PRRC2B: variants seen among roughly 807,000 people sequenced by gnomAD.
PRRC2B encodes protein PRRC2B.
Under a neutral mutation model 242.3 loss-of-function variants are expected in PRRC2B, and 68 were observed. That is an observed-to-expected ratio of 0.28 (90% CI 0.23 to 0.34). PRRC2B has a LOEUF of 0.34. Ranked by LOEUF, PRRC2B falls within the 10% of genes least tolerant of loss-of-function variation. The pLI, the probability that PRRC2B is intolerant of heterozygous loss-of-function variation, is 1.00. For missense variants in PRRC2B, 2,835 were observed against 2,954.8 expected (o/e 0.96, Z 0.94); for synonymous variants, 1,228 against 1,173.6 (o/e 1.05, Z -0.95).
chr9:131,380,365 G>A (rs1172908605), intron 1 of PRRC2B, among the ~76,000 whole-genome samples: 1 of 152,042 alleles, frequency 6.6e-6, no homozygotes, highest in African/African-American at 2.4e-5. Flanking sequence ...GTCACCTGAG[G>A]TCAGGATTTC....
intron 30 of PRRC2B, among the ~76,000 whole-genome samples, chr9:131,493,515 C>T (rs1045392003): frequency 6.6e-6 from 1 of 152,230 alleles, no homozygotes; most frequent in Non-Finnish European, 1.5e-5. Flanking sequence ...GACAGAGCCT[C>T]ACGGGACAAG....
chr9:131,442,636 G>C (rs1225263264), intron 5 of PRRC2B, among the ~76,000 whole-genome samples: 1 of 152,176 alleles, frequency 6.6e-6, no homozygotes, highest in African/African-American at 2.4e-5. Flanking sequence ...GAACAGGCCC[G>C]TGGATCAGTG....
intron 9 of PRRC2B, 29 bp from the exon 10 acceptor site, chr9:131,455,047 A>G: frequency 6.4e-7 from 1 of 1,571,626 alleles, no homozygotes; most frequent in Non-Finnish European, 8.7e-7. Context: ...ATTCTTTCTC[A>G]TTCTTCCTGG....
chr9:131,425,165 T>C lies in PRRC2B; in HGVS notation c.-51-4929T>C, dbSNP rs184505262. On this transcript the variant is annotated intron_variant, in intron 1 of 31. Coordinates refer to ENST00000683519, the MANE Select transcript of PRRC2B (RefSeq NM_013318.4). ...CATGCCTGGCTCCTTTTTGTATTTT[T>C]AGTATAGACGGGGTTTCACCATGTT... Among the ~76,000 whole-genome samples the C allele has an allele frequency of 8.0e-4, 121 of 152,134 alleles. 2 individuals are homozygous for C. The highest frequency in any genetic ancestry group is 6.7e-3 in the South Asian group (32 of 4,810).
At position 131,459,197 on chromosome 9, in the gene PRRC2B, G is replaced by T. The variant is rs567452055; in HGVS notation, c.1245G>T (p.Leu415Phe). 4.3e-6 allele frequency: 7 copies of T among 1,614,038 alleles called. No individual in the cohort carries two copies. The African/African-American group carries it at 8.0e-5, about 18-fold the overall frequency. ...GGGACCCTAGGAGGCAGCGGCAGTT[G>T]TCAATGAGCTCTGCAGACAGTGCGG... ...NSWDPRRQRQ[L>F]SMSSADSADA... Residue 415 changes from leucine (L) to phenylalanine (F), a missense_variant, in exon 11 of 32, where the codon TTG (leucine) becomes TTT (phenylalanine). Around this residue, in one of 7 missense-constraint regions of PRRC2B, gnomAD observed 626 missense variants for 685.5 expected, o/e 0.91. Coordinates refer to ENST00000683519, the MANE Select transcript of PRRC2B (RefSeq NM_013318.4).
chr9:131,464,889 G>A lies in PRRC2B; in HGVS notation c.1531G>A (p.Glu511Lys). The change falls in exon 12 of 32, where the codon GAA (glutamate) becomes AAA (lysine). Residue 511 changes from glutamate (E) to lysine (K), a missense_variant. Coordinates refer to ENST00000683519, the MANE Select transcript of PRRC2B (RefSeq NM_013318.4). ...GGTGGAGCGAGCCCGAAAGCGCCGG[G>A]AAGAAGAGGAGCGCCGAGCCCGGGA... ...EAVERARKRR[E>K]EEERRAREER... 1 of 1,613,798 alleles carries A rather than the reference G, an allele frequency of 6.2e-7. No individual in the cohort carries two copies.
chr9:131,401,627 C>T (rs941513421), intron 1 of PRRC2B, among the ~76,000 whole-genome samples: 4 of 148,668 alleles, frequency 2.7e-5, no homozygotes, highest in African/African-American at 5.0e-5. Context: ...CTGGGATTAC[C>T]GGCATGAGCC....
At chr9:131,416,671 T>C (rs565965141) in intron 1 of PRRC2B, among the ~76,000 whole-genome samples, 19 of 151,550 alleles carry the variant, frequency 1.3e-4, no homozygotes, top group Middle Eastern at 6.8e-3. Flanking sequence ...CATGTCCCCA[T>C]AGTTTCCACT....
intron 9 of PRRC2B, among the ~76,000 whole-genome samples, chr9:131,449,412 T>A (rs1942843160): frequency 6.6e-6 from 1 of 152,140 alleles, no homozygotes; most frequent in African/African-American, 2.4e-5. Context: ...TAGGTTGGAG[T>A]GCAGTGGTGT....
At chr9:131,433,648 A>G (rs1449201814) in intron 3 of PRRC2B, among the ~76,000 whole-genome samples, 6 of 152,220 alleles carry the variant, frequency 3.9e-5, no homozygotes, top group Non-Finnish European at 8.8e-5. Flanking sequence ...ATGTGAACAA[A>G]GCTGTCTGGC....
chr9:131,469,203 G>C (rs1387288581), intron 13 of PRRC2B, among the ~76,000 whole-genome samples: 2 of 152,078 alleles, frequency 1.3e-5, no homozygotes, highest in Non-Finnish European at 2.9e-5. Context: ...GCGTGGTGCC[G>C]CACACCTGTA....
At chr9:131,471,637 T>G (rs1312401459) in intron 14 of PRRC2B, among the ~76,000 whole-genome samples, 2 of 152,210 alleles carry the variant, frequency 1.3e-5, no homozygotes, top group Non-Finnish European at 2.9e-5. Flanking sequence ...CAATAGTAAT[T>G]GAGTGAACAT....
intron 1 of PRRC2B, 134 bp downstream of exon 1, chr9:131,394,397 T>G (rs1031680509): frequency 2.8e-5 from 4 of 144,702 alleles, no homozygotes; most frequent in East Asian, 2.0e-4. Flanking sequence ...GCCCGACCTT[T>G]GTCCGCGAGC....
At position 131,488,038 on chromosome 9, in the gene PRRC2B, A is replaced by G. The variant is rs770170310; in HGVS notation, c.6167A>G (p.Gln2056Arg). The change falls in exon 28 of 32, where the codon CAG (glutamine) becomes CGG (arginine). Residue 2056 changes from glutamine to arginine, a missense_variant. Transcript: ENST00000683519. ...AACCAAGCCCTGGTCTACGAGGGCC[A>G]GCTCAGCCAGGCTGCTGGCCTGGGT... ...SGNQALVYEG[Q>R]LSQAAGLGAS... The G allele has an allele frequency of 6.2e-7, 1 of 1,613,200 alleles. No homozygotes were observed. Among genetic ancestry groups the G allele is most frequent in the Non-Finnish European group, 8.5e-7 (1 of 1,179,566 alleles).
chr9:131,488,632 G>C (rs1251588817), intron 28 of PRRC2B, among the ~76,000 whole-genome samples: 1 of 152,088 alleles, frequency 6.6e-6, no homozygotes, highest in Non-Finnish European at 1.5e-5. Context: ...GCCCCCAGAC[G>C]GGGGCTCCTT....
chr9:131,491,602 C>T, intron 29 of PRRC2B, 22 bp downstream of exon 29: 1 of 1,594,378 alleles, frequency 6.3e-7, no homozygotes, highest in East Asian at 2.3e-5. Context: ...CCATCTGCCT[C>T]TGACCCTAGG....
intron 10 of PRRC2B, among the ~76,000 whole-genome samples, chr9:131,458,110 ACCT>A (rs1270430072): frequency 3.3e-5 from 5 of 151,028 alleles, no homozygotes; most frequent in Non-Finnish European, 4.4e-5. Flanking sequence ...TGTTTGGAAC[ACCT>A]CCTCCTTTTC....
intron 4 of PRRC2B, among the ~76,000 whole-genome samples, chr9:131,436,924 C>G (rs1838394152): frequency 6.6e-6 from 1 of 152,198 alleles, no homozygotes; most frequent in African/African-American, 2.4e-5. Flanking sequence ...TAATCTGCAG[C>G]TTTTAGAAAA....
intron 1 of PRRC2B, among the ~76,000 whole-genome samples, chr9:131,394,846 C>T (rs559474995): frequency 4.3e-4 from 65 of 152,074 alleles, no homozygotes; most frequent in South Asian, 8.3e-4. Context: ...GAGCGGCCGC[C>T]CAGTCTCGGT....
Sources: gnomAD v4.1 joint callset for allele counts (sites outside exome capture counted in the v4.1 genomes callset) on GRCh38, gnomAD v4.1.1 for gene constraint, gnomAD v4.1.1 regional missense constraint, MANE v1.5 for transcripts, NCBI Gene and HGNC (gene_info 2026-07-23, HGNC 2026-07-21) for gene names.